Variants in DLEC1 observed in about 807,000 individuals in gnomAD.
DLEC1 encodes the protein DLEC1 cilia and flagella associated protein.
A neutral mutation model predicts 198.1 loss-of-function variants in DLEC1; 146 were observed. That is an observed-to-expected ratio of 0.74 (90% CI 0.64 to 0.85). The LOEUF (loss-of-function observed/expected upper bound fraction) is 0.85, where lower values mean the gene tolerates loss of function less well. Ranked by LOEUF, DLEC1 falls within the 40% of genes least tolerant of loss-of-function variation. The pLI is 0.00. For synonymous variants in DLEC1, 897 were observed against 866.8 expected (o/e 1.03, Z -0.61); for missense variants, 2,233 against 2,220.0 (o/e 1.01, Z -0.12).
chr3:38,092,211 A>T (rs993733175), intron 10 of DLEC1, among the ~76,000 whole-genome samples: 1 of 152,268 alleles, frequency 6.6e-6, no homozygotes, highest in Non-Finnish European at 1.5e-5. Context: ...ATGGAATAAC[A>T]GCCCTGCAAA....
chr3:38,095,701 T>G (rs901143321), intron 13 of DLEC1, 187 bp from the exon 14 acceptor site: 5 of 651,682 alleles, frequency 7.7e-6, no homozygotes, highest in Non-Finnish European at 1.3e-5. Context: ...TCCTGGCTCA[T>G]GTTCTGGCAG....
Position 38,062,595 on chromosome 3 carries a change from A to G in DLEC1, c.888A>G (p.Pro296=), listed in dbSNP as rs1270138813. 2 of 1,614,162 alleles carry G rather than the reference A, an allele frequency of 1.2e-6. No homozygotes were observed. The highest frequency in any genetic ancestry group is 1.7e-6 in the Non-Finnish European group (2 of 1,180,022). ...ATGTTTCAAAGAAAGCAAGTCAACC[A>G]AGGAATAAAAACTGGATGAACCACT... The part of the protein sequence containing the change: ...TREPLKKASQ[P]RNKNWMNHLR... Residue 296 remains proline, a synonymous_variant, in exon 5 of 37, where the codon CCA becomes CCG. Coordinates refer to ENST00000308059, the MANE Select transcript of DLEC1 (RefSeq NM_007335.4).
intron 25 of DLEC1, among the ~76,000 whole-genome samples, chr3:38,113,511 C>G (rs994857720): frequency 9.6e-6 from 1 of 103,956 alleles, no homozygotes; most frequent in Non-Finnish European, 2.4e-5. Context: ...GGCAACATGG[C>G]AAAACCCCTT....
Position 38,096,606 on chromosome 3 carries a change from G to A in DLEC1, c.2209G>A (p.Val737Met), listed in dbSNP as rs1699034122. The A allele has an allele frequency of 6.2e-7, 1 of 1,612,428 alleles. No homozygotes were observed. Among genetic ancestry groups the A allele is most frequent in the Non-Finnish European group, 8.5e-7 (1 of 1,179,982 alleles). Residue 737 changes from valine to methionine, a missense_variant, in exon 15 of 37, where the codon GTG (valine) becomes ATG (methionine). Coordinates refer to ENST00000308059, the MANE Select transcript of DLEC1 (RefSeq NM_007335.4). Reference sequence around the variant, plus strand: ...GAGCCTGGGGCACTCCTCCTACTCTGTGGATGATGTGATTGTCCTGGAAAT... The same window carrying A: ...GAGCCTGGGGCACTCCTCCTACTCTATGGATGATGTGATTGTCCTGGAAAT... ...AESLGHSSYS[V>M]DDVIVLEIEV...
chr3:38,097,368 G>A (rs1699082520), intron 16 of DLEC1, 93 bp downstream of exon 16: 2 of 1,540,264 alleles, frequency 1.3e-6, no homozygotes, highest in Non-Finnish European at 1.8e-6. Context: ...AGGGCTCTTG[G>A]TGTCCTGTGA....
intron 2 of DLEC1, among the ~76,000 whole-genome samples, chr3:38,049,369 C>A (rs1405441922): frequency 1.3e-5 from 2 of 152,046 alleles, no homozygotes; most frequent in Non-Finnish European, 2.9e-5. Context: ...GAGGACATTC[C>A]CCTAAAAGTT....
intron 13 of DLEC1, 169 bp from the exon 14 acceptor site, chr3:38,095,719 A>G (rs1698980947): frequency 2.7e-6 from 2 of 746,580 alleles, no homozygotes; most frequent in Non-Finnish European, 4.4e-6. Context: ...CAGCAACTTC[A>G]CTTTTCCTAA....
chr3:38,055,544 A>G (rs1437372916), intron 2 of DLEC1, among the ~76,000 whole-genome samples: 2 of 151,658 alleles, frequency 1.3e-5, no homozygotes, highest in Non-Finnish European at 2.9e-5. Context: ...CTTATGGTAA[A>G]GGCATTTCCA....
intron 6 of DLEC1, among the ~76,000 whole-genome samples, chr3:38,069,840 G>C (rs1228359623): frequency 6.6e-6 from 1 of 152,172 alleles, no homozygotes; most frequent in African/African-American, 2.4e-5. Flanking sequence ...AATATGTAGT[G>C]TTGGCCAAAA....
chr3:38,111,866 G>A (rs747691899), intron 24 of DLEC1, 119 bp downstream of exon 24: 157 of 1,148,268 alleles, frequency 1.4e-4, no homozygotes, highest in Non-Finnish European at 1.8e-4. Context: ...GCTCTCAGAT[G>A]GCCAAGGCGC....
At chr3:38,082,625 C>T (rs1258083083) in intron 6 of DLEC1, among the ~76,000 whole-genome samples, 2 of 152,064 alleles carry the variant, frequency 1.3e-5, no homozygotes, top group Non-Finnish European at 2.9e-5. Context: ...GGACTTGCCG[C>T]TAAGGGTGAA....
At chr3:38,081,480 G>C (rs1697990487) in intron 6 of DLEC1, among the ~76,000 whole-genome samples, 1 of 98,350 alleles carries the variant, frequency 1.0e-5, no homozygotes, top group Non-Finnish European at 2.0e-5. Context: ...CGGGGCGGCT[G>C]GCCGGGCAGA....
At chr3:38,056,089 AC>A (rs1696350559) in intron 2 of DLEC1, among the ~76,000 whole-genome samples, 1 of 150,578 alleles carries the variant, frequency 6.6e-6, no homozygotes, top group East Asian at 2.0e-4. Flanking sequence ...ACACACACAC[AC>A]ACACACACAC....
intron 1 of DLEC1, among the ~76,000 whole-genome samples, chr3:38,039,874 T>C (rs547525671): frequency 3.9e-5 from 6 of 152,368 alleles, no homozygotes; most frequent in African/African-American, 1.4e-4. Flanking sequence ...CACCTGTCTA[T>C]ATTTCTCTAG....
At chr3:38,051,414 C>T (rs375861522) in intron 2 of DLEC1, among the ~76,000 whole-genome samples, 14 of 152,298 alleles carry the variant, frequency 9.2e-5, no homozygotes, top group East Asian at 3.9e-4. Context: ...CTGCTGCTGC[C>T]AGAGGGCAAT....
intron 2 of DLEC1, among the ~76,000 whole-genome samples, chr3:38,053,998 T>G (rs996362131): frequency 6.6e-6 from 1 of 151,958 alleles, no homozygotes; most frequent in African/African-American, 2.4e-5. Context: ...GAAGGCAGCA[T>G]GCTCCTTAAG....
chr3:38,108,143 C>T (rs1699665310), intron 20 of DLEC1, among the ~76,000 whole-genome samples: 1 of 152,218 alleles, frequency 6.6e-6, no homozygotes, highest in South Asian at 2.1e-4. Flanking sequence ...CCTCTGCTCC[C>T]CATCCCTCGG....
chr3:38,054,848 G>A (rs1414952999), intron 2 of DLEC1, among the ~76,000 whole-genome samples: 1 of 152,150 alleles, frequency 6.6e-6, no homozygotes, highest in African/African-American at 2.4e-5. Context: ...AAGCCACCAC[G>A]AGTAAGTCAG....
chr3:38,109,879 G>A (rs1575220330), intron 22 of DLEC1: 1 of 683,476 alleles, frequency 1.5e-6, no homozygotes, highest in Non-Finnish European at 2.4e-6. Context: ...ATGCCAGCAT[G>A]CCGCTGGCCA....
Sources: gnomAD v4.1 joint callset for allele counts (sites outside exome capture counted in the v4.1 genomes callset) on GRCh38, gnomAD v4.1.1 for gene constraint, MANE v1.5 for transcripts, NCBI Gene and HGNC (gene_info 2026-07-23, HGNC 2026-07-21) for gene names.